TRIM37: variants seen among roughly 807,000 people sequenced by gnomAD.
TRIM37 encodes E3 ubiquitin-protein ligase TRIM37.
Under a neutral mutation model 129.8 loss-of-function variants are expected in TRIM37, and 80 were observed. The observed-to-expected ratio is 0.62, with a 90% CI of 0.51 to 0.74. The LOEUF (loss-of-function observed/expected upper bound fraction) is 0.74. Ranked by LOEUF, TRIM37 falls within the 30% of genes least tolerant of loss-of-function variation. TRIM37 has a pLI of 0.00. For missense variants in TRIM37, 1,054 were observed against 1,176.5 expected (o/e 0.90, Z 1.52); for synonymous variants, 389 against 387.1 (o/e 1.00, Z -0.06).
In TRIM37 at chr17:59,034,410, T is replaced by A. The variant is rs1568036066; in HGVS notation, c.1754-2320A>T. On this transcript the variant is annotated intron_variant, in intron 17 of 23. Transcript: ENST00000262294. ...TACTCCCCTTTCAAATGTTCCCAGC[T>A]TTCTTTTCTTTTTTGTTTTTTTGAG... Among the ~76,000 whole-genome samples the A allele has an allele frequency of 2.0e-5, 3 of 152,104 alleles. No individual in the cohort carries two copies. In the East Asian group the frequency reaches 5.9e-4, roughly 30 times the overall value.
At chr17:58,980,094 A>G, downstream of TRIM37, 1 of 1,614,126 alleles carries the variant, frequency 6.2e-7, no homozygotes, top group Non-Finnish European at 8.5e-7. The surrounding 1 kb of genome is among the most constrained non-coding windows in gnomAD (Gnocchi z 4.7). Context: ...GTGAACCCTG[A>G]TGAGGCAGTG....
chr17:58,977,504 G>A, the TRIM37 span, among the ~76,000 whole-genome samples: 2 of 151,762 alleles, frequency 1.3e-5, no homozygotes, highest in African/African-American at 4.8e-5. Context: ...TGAGTAAGAT[G>A]AGAGGTTGTG....
intron 24 of TRIM37, chr17:58,984,583 G>T (rs1417650671): frequency 6.6e-6 from 1 of 152,506 alleles, no homozygotes; most frequent in Non-Finnish European, 1.5e-5. Context: ...GTTAGCAAAA[G>T]AAATTTTTTT....
chr17:59,067,917 C>T (rs574936908), intron 9 of TRIM37, among the ~76,000 whole-genome samples: 1 of 152,338 alleles, frequency 6.6e-6, no homozygotes, highest in South Asian at 2.1e-4. Context: ...AATAACACTT[C>T]ACTGATTTAG....
At chr17:59,033,525 T>C (rs991696297) in intron 17 of TRIM37, among the ~76,000 whole-genome samples, 5 of 152,058 alleles carry the variant, frequency 3.3e-5, no homozygotes, top group Non-Finnish European at 7.4e-5. Context: ...CTCCGCCTCC[T>C]GGGTTCAAGC....
At chr17:59,040,713 G>A (rs1419562436) in intron 17 of TRIM37, among the ~76,000 whole-genome samples, 4 of 152,146 alleles carry the variant, frequency 2.6e-5, no homozygotes. Context: ...GAAATGGTGA[G>A]GACTAGTATT....
chr17:59,083,705 A>G (rs527516840), intron 5 of TRIM37, among the ~76,000 whole-genome samples: 1 of 152,334 alleles, frequency 6.6e-6, no homozygotes, highest in Admixed American at 6.5e-5. Context: ...ACATCTGATC[A>G]ACTGACCTTT....
At chr17:58,970,517 C>T in the TRIM37 span, among the ~76,000 whole-genome samples, 401 of 152,218 alleles carry the variant, frequency 2.6e-3, 13 homozygotes, top group East Asian at 0.071. Context: ...TAAACATTAA[C>T]TCTTTTTAAA....
intron 19 of TRIM37, among the ~76,000 whole-genome samples, chr17:59,024,214 CAAAA>C (rs1237722939): frequency 4.0e-5 from 3 of 74,962 alleles, no homozygotes; most frequent in Admixed American, 1.7e-4. Flanking sequence ...AATTCCGTAT[CAAAA>C]AAAAAAAAAA....
intron 2 of TRIM37, among the ~76,000 whole-genome samples, chr17:59,100,427 C>T (rs968341492): frequency 6.6e-6 from 1 of 152,116 alleles, no homozygotes; most frequent in African/African-American, 2.4e-5. Context: ...AAAAGGAATA[C>T]TACTGATACA....
chr17:59,106,345 G>T, intron 1 of TRIM37, 96 bp downstream of exon 1: 1 of 1,448,642 alleles, frequency 6.9e-7, no homozygotes, highest in Non-Finnish European at 9.6e-7. Flanking sequence ...GGGTAGGGGT[G>T]CCCTACTGGA....
chr17:59,020,997 AT>A (rs2145263647), intron 19 of TRIM37, among the ~76,000 whole-genome samples: 1 of 152,328 alleles, frequency 6.6e-6, no homozygotes, highest in African/African-American at 2.4e-5. Flanking sequence ...AAGAAAGCAA[AT>A]TAGTATGTCA....
chr17:59,056,503 G>A (rs1420449505), intron 13 of TRIM37, among the ~76,000 whole-genome samples: 4 of 151,840 alleles, frequency 2.6e-5, no homozygotes, highest in Non-Finnish European at 4.4e-5. Context: ...GCCGAGGCGG[G>A]CGGATCACGA....
At chr17:59,093,399 C>T (rs2044572844) in intron 2 of TRIM37, among the ~76,000 whole-genome samples, 1 of 152,108 alleles carries the variant, frequency 6.6e-6, no homozygotes, top group African/African-American at 2.4e-5. Context: ...TACATGTTTC[C>T]TCTCTCTGCC....
downstream of TRIM37, chr17:58,980,407 A>G (rs750053884): frequency 4.3e-6 from 7 of 1,614,048 alleles, no homozygotes; most frequent in Admixed American, 6.7e-5. This position sits in a 1 kb window ranked among gnomAD's most constrained non-coding sequence, Gnocchi z 4.7. Flanking sequence ...GTGTGGATTC[A>G]TTCACTGATA....
intron 17 of TRIM37, among the ~76,000 whole-genome samples, chr17:59,037,882 A>G (rs1278032226): frequency 2.0e-5 from 3 of 152,136 alleles, no homozygotes; most frequent in Non-Finnish European, 4.4e-5. Context: ...GGTCTATGAC[A>G]GTCTCTCAGA....
intron 2 of TRIM37, among the ~76,000 whole-genome samples, chr17:59,094,076 T>C (rs895565994): frequency 8.2e-4 from 125 of 152,070 alleles, no homozygotes; most frequent in African/African-American, 2.9e-3. Flanking sequence ...CGTATTTTTA[T>C]TAGAGATGGG....
At chr17:58,972,935 A>T in the TRIM37 span, 5 of 1,608,854 alleles carry the variant, frequency 3.1e-6, no homozygotes, top group Non-Finnish European at 4.3e-6. Context: ...GGTAGGAAAA[A>T]CAAATTTTTG....
chr17:58,981,007 T>C (rs372323848), downstream of TRIM37: 59 of 1,601,252 alleles, frequency 3.7e-5, no homozygotes, highest in Middle Eastern at 5.2e-4. Context: ...GCCCAGATCT[T>C]CCTTGGAGCT....
Sources: gnomAD v4.1 joint callset for allele counts (sites outside exome capture counted in the v4.1 genomes callset) on GRCh38, gnomAD v4.1.1 for gene constraint, Gnocchi (gnomAD v3.1) non-coding constraint, MANE v1.5 for transcripts, NCBI Gene and HGNC (gene_info 2026-07-23, HGNC 2026-07-21) for gene names.